The following FBXL2 variants were observed in gnomAD, a reference collection of about 807,000 sequenced individuals.
The protein encoded by FBXL2 is F-box/LRR-repeat protein 2.
FBXL2 carries 38 observed loss-of-function variants against 69.2 expected under a neutral mutation model. The ratio of observed to expected loss-of-function variants is 0.55; its 90% confidence interval spans 0.42 to 0.72. The LOEUF is 0.72. FBXL2 is among the 30% of genes least tolerant of loss of function. The pLI, the probability that FBXL2 is intolerant of heterozygous loss-of-function variation, is 0.00. For synonymous variants in FBXL2, 192 were observed against 201.3 expected, an observed-to-expected ratio of 0.95 and a Z score of 0.39; for missense variants, 354 against 520.3, an observed-to-expected ratio of 0.68 and a Z score of 3.11.
At chr3:33,326,680 C>G (rs2038724221) in intron 2 of FBXL2, among the ~76,000 whole-genome samples, 1 of 151,970 alleles carries the variant, frequency 6.6e-6, no homozygotes, top group South Asian at 2.1e-4. Flanking sequence ...AGCCGTGCAC[C>G]TTGGTATATG....
At chr3:33,348,387 C>A (rs1046056313) in intron 2 of FBXL2, among the ~76,000 whole-genome samples, 3 of 152,018 alleles carry the variant, frequency 2.0e-5, no homozygotes, top group Non-Finnish European at 4.4e-5. Flanking sequence ...TATGGCAGTA[C>A]CATGCTGTTT....
At chr3:33,379,713 C>T (rs903888086) in intron 13 of FBXL2, among the ~76,000 whole-genome samples, 1 of 149,860 alleles carries the variant, frequency 6.7e-6, no homozygotes, top group Admixed American at 6.6e-5. Context: ...AAAAACACTA[C>T]AGACCGATAT....
rs149579796 is a variant in FBXL2 at position 33,325,649 on chromosome 3, A to G, written c.65+27924A>G. 1.1e-4 allele frequency among the ~76,000 whole-genome samples: 17 copies of G among 152,298 alleles called. No individual in the cohort carries two copies. The East Asian group carries it at 2.9e-3, about 26-fold the overall frequency. On this transcript the variant is annotated intron_variant, in intron 2 of 14. Transcript: ENST00000484457. ...CTAGCATTATAGATAAAGTGGATTA[A>G]TCATTGTTTAAGCCTCTTGGATTTC...
intron 2 of FBXL2, among the ~76,000 whole-genome samples, chr3:33,311,029 G>A (rs959651195): frequency 3.3e-5 from 5 of 151,878 alleles, no homozygotes; most frequent in African/African-American, 9.7e-5. Context: ...CACCCACCTC[G>A]GCCTCCCAAA....
chr3:33,319,751 AT>A (rs1228311364), intron 2 of FBXL2, among the ~76,000 whole-genome samples: 6 of 152,138 alleles, frequency 3.9e-5, no homozygotes, highest in Admixed American at 1.3e-4. Context: ...ATATCAAAGC[AT>A]TTCTTTATTC....
At chr3:33,388,516 G>A (rs542388102), downstream of FBXL2, 3 of 152,620 alleles carry the variant, frequency 2.0e-5, no homozygotes, top group Admixed American at 1.3e-4. Flanking sequence ...TTTTTACCCC[G>A]CTTCTAAAAC....
intron 4 of FBXL2, chr3:33,364,373 GTTT>G (rs555633563): frequency 5.4e-4 from 274 of 507,560 alleles, no homozygotes; most frequent in Non-Finnish European, 8.8e-4. Context: ...ACAGGTTTTG[GTTT>G]TTGCATTTGT....
intron 2 of FBXL2, among the ~76,000 whole-genome samples, chr3:33,349,487 T>C (rs1337969518): frequency 6.6e-6 from 1 of 152,202 alleles, no homozygotes; most frequent in South Asian, 2.1e-4. Flanking sequence ...TTTTAATGTG[T>C]TGTTGAATTT....
intron 12 of FBXL2, chr3:33,402,972 TTCAC>T (rs2044286987): frequency 1.5e-6 from 2 of 1,332,370 alleles, no homozygotes; most frequent in South Asian, 1.3e-5. Context: ...ATTTTTGTAA[TTCAC>T]TCACTAACCA....
downstream of FBXL2, among the ~76,000 whole-genome samples, chr3:33,406,040 T>C (rs2044410685): frequency 6.6e-6 from 1 of 152,208 alleles, no homozygotes; most frequent in Admixed American, 6.5e-5. Flanking sequence ...CTGGAGAGCT[T>C]TGAATAAACT....
chr3:33,392,841 T>TG, downstream of FBXL2: 1 of 452,812 alleles, frequency 2.2e-6, no homozygotes, highest in Non-Finnish European at 3.9e-6. Flanking sequence ...GTCACCCATG[T>TG]GACCCACAGG....
chr3:33,314,987 C>G (rs2037546137), intron 2 of FBXL2, among the ~76,000 whole-genome samples: 1 of 152,106 alleles, frequency 6.6e-6, no homozygotes, highest in Non-Finnish European at 1.5e-5. Flanking sequence ...AAAAAAGTGG[C>G]TAGTTTAGCT....
At chr3:33,377,162 G>T in intron 10 of FBXL2, 111 bp from the exon 11 acceptor site, 1 of 1,054,478 alleles carries the variant, frequency 9.5e-7, no homozygotes, top group Non-Finnish European at 1.5e-6. Flanking sequence ...TGTTAACAGA[G>T]GCAAAAGCAT....
At chr3:33,403,353 G>C in exon 13 of FBXL2, 1 of 217,780 alleles carries the variant, frequency 4.6e-6, no homozygotes, top group South Asian at 5.9e-5. Flanking sequence ...TGCTCCTTTT[G>C]CCCTCTTCCC....
At chr3:33,285,997 T>C (rs1401259175) in intron 1 of FBXL2, among the ~76,000 whole-genome samples, 1 of 152,236 alleles carries the variant, frequency 6.6e-6, no homozygotes, top group Non-Finnish European at 1.5e-5. Context: ...CTCCTTTAGC[T>C]TGGAGAAGTT....
downstream of FBXL2, among the ~76,000 whole-genome samples, chr3:33,406,946 C>T (rs1209582064): frequency 4.6e-5 from 7 of 152,194 alleles, no homozygotes; most frequent in Admixed American, 2.6e-4. Flanking sequence ...CCATTTCATT[C>T]GGCATCTTTT....
At chr3:33,409,094 T>C in the FBXL2 span, 1 of 830,314 alleles carries the variant, frequency 1.2e-6, no homozygotes, top group Admixed American at 2.8e-5. Flanking sequence ...ATTTAAATAT[T>C]TTCCCCAGAA....
At chr3:33,401,021 G>A in intron 12 of FBXL2, 2 of 1,584,746 alleles carry the variant, frequency 1.3e-6, no homozygotes, top group East Asian at 2.3e-5. Context: ...GAATTGCTGG[G>A]GAGAAAGGAG....
chr3:33,298,459 G>A (rs541966986), intron 2 of FBXL2, among the ~76,000 whole-genome samples: 1 of 152,118 alleles, frequency 6.6e-6, no homozygotes, highest in Non-Finnish European at 1.5e-5. Context: ...ATCACTTGAG[G>A]CCGGGAATTT....
Sources: gnomAD v4.1 joint callset for allele counts (sites outside exome capture counted in the v4.1 genomes callset) on GRCh38, gnomAD v4.1.1 for gene constraint, MANE v1.5 for transcripts, NCBI Gene and HGNC (gene_info 2026-07-23, HGNC 2026-07-21) for gene names.